POU2F3: variants seen among roughly 807,000 people sequenced by gnomAD.
POU2F3 encodes the protein POU domain, class 2, transcription factor 3.
A neutral mutation model predicts 59.2 loss-of-function variants in POU2F3; 23 were observed. The observed-to-expected ratio is 0.39, with a 90% CI of 0.28 to 0.55. The LOEUF (loss-of-function observed/expected upper bound fraction) is 0.55, where lower values mean the gene tolerates loss of function less well. Ranked by LOEUF, POU2F3 falls within the 20% of genes least tolerant of loss-of-function variation. POU2F3 has a pLI of 0.66. For synonymous variants in POU2F3, 190 were observed against 214.6 expected (o/e 0.89, Z 1.00); for missense variants, 473 against 544.5 (o/e 0.87, Z 1.31).
At position 120,246,475 on chromosome 11, in the gene POU2F3, G is replaced by A. The variant is rs201020292; in HGVS notation, c.55G>A (p.Asp19Asn). 229 of 1,613,774 alleles carry A rather than the reference G, an allele frequency of 1.4e-4. 1 individual carries two copies. Among genetic ancestry groups the A allele is most frequent in the African/African-American group, 1.1e-4 (8 of 74,938 alleles). The change falls in exon 2 of 13, where the codon GAT becomes AAT. Residue 19 changes from aspartate to asparagine, a missense_variant. Physicochemically the swap from Asp to Asn is conservative, Grantham distance 23. Coordinates refer to ENST00000543440, the MANE Select transcript of POU2F3 (RefSeq NM_014352.4). ...TATCAAGATGAGTGGGGATGTAGCC[G>A]ATTCCACGGATGCTCGCAGCACTCT... Reference protein sequence around the residue: ...TDIKMSGDVADSTDARSTLSQ... With the variant: ...TDIKMSGDVANSTDARSTLSQ...
At chr11:120,300,110 C>A (rs1941305978) in intron 5 of POU2F3, among the ~76,000 whole-genome samples, 1 of 152,204 alleles carries the variant, frequency 6.6e-6, no homozygotes, top group African/African-American at 2.4e-5. Context: ...TTCAGACTTG[C>A]TTCCTGGAAG....
chr11:120,268,176 G>A (rs753309), intron 2 of POU2F3, among the ~76,000 whole-genome samples: 72,064 of 151,800 alleles, frequency 0.47, 21,216 homozygotes, highest in East Asian at 1. Context: ...AAGTGGGATA[G>A]AAGTCTATAC....
intron 3 of POU2F3, among the ~76,000 whole-genome samples, chr11:120,269,560 G>A (rs917063589): frequency 6.6e-6 from 1 of 152,178 alleles, no homozygotes; most frequent in Non-Finnish European, 1.5e-5. Context: ...GTTGCCTCTT[G>A]GGTGGGTGTT....
intron 6 of POU2F3, chr11:120,303,740 C>A (rs1941408278): frequency 2.6e-5 from 4 of 152,190 alleles, no homozygotes; most frequent in Admixed American, 2.0e-4. Flanking sequence ...GACTCCTAAA[C>A]TTCTCTCTAG....
chr11:120,249,816 TATGAG>T (rs1373318665), intron 2 of POU2F3: 1 of 152,156 alleles, frequency 6.6e-6, no homozygotes, highest in Non-Finnish European at 1.5e-5. Flanking sequence ...ACAATAAGGC[TATGAG>T]ATAGAGACAC....
At chr11:120,289,717 C>T (rs1940954910) in intron 3 of POU2F3, among the ~76,000 whole-genome samples, 1 of 152,206 alleles carries the variant, frequency 6.6e-6, no homozygotes, top group African/African-American at 2.4e-5. Flanking sequence ...GCTTTTGCTG[C>T]CTGGCAAACT....
chr11:120,310,152 T>C (rs1384338536), intron 10 of POU2F3, among the ~76,000 whole-genome samples: 1 of 152,112 alleles, frequency 6.6e-6, no homozygotes, highest in African/African-American at 2.4e-5. Context: ...GGAGACCAGC[T>C]AGGAGAATGA....
At chr11:120,291,945 A>C (rs999817901) in intron 3 of POU2F3, among the ~76,000 whole-genome samples, 6 of 151,836 alleles carry the variant, frequency 4.0e-5, no homozygotes, top group Non-Finnish European at 7.4e-5. Flanking sequence ...AGTAGCTGGG[A>C]CTACAGGCAC....
chr11:120,318,491 G>T lies in POU2F3; in HGVS notation c.*99G>T, dbSNP rs1941844565. On this transcript the variant is annotated 3_prime_UTR_variant, in exon 13 of 13. Coordinates refer to ENST00000543440, the MANE Select transcript of POU2F3 (RefSeq NM_014352.4). ...CAGACAGATTGCCTTCAGAAGAGTGGAAGAAAATCTCCACTATCAATGAAC... is the reference window on the plus strand; with the variant it reads ...CAGACAGATTGCCTTCAGAAGAGTGTAAGAAAATCTCCACTATCAATGAAC... 8.0e-7 allele frequency: 1 copy of T among 1,243,586 alleles called. No homozygotes were observed. The highest frequency in any genetic ancestry group is 1.2e-6 in the Non-Finnish European group (1 of 853,402). 77.0% of individuals were successfully genotyped at this position (1,243,586 alleles called of 1,614,324 possible).
chr11:120,304,971 A>AAAAT, intron 6 of POU2F3, 59 bp from the exon 7 acceptor site: 1 of 991,260 alleles, frequency 1.0e-6, no homozygotes, highest in Admixed American at 2.6e-5. Flanking sequence ...AAAAAAAAAA[A>AAAAT]TCAGAAAATG....
chr11:120,307,443 T>G (rs751500071), intron 8 of POU2F3, 36 bp from the exon 9 acceptor site: 1 of 1,610,246 alleles, frequency 6.2e-7, no homozygotes, highest in South Asian at 1.1e-5. Context: ...CTCATCCCCT[T>G]CTCTGAGCTT....
chr11:120,295,279 C>T (rs917260113), intron 3 of POU2F3, among the ~76,000 whole-genome samples: 1 of 152,232 alleles, frequency 6.6e-6, no homozygotes, highest in African/African-American at 2.4e-5. Flanking sequence ...ATAGCTGCCT[C>T]TCCTTATCTC....
At chr11:120,312,918 G>A (rs192310607) in intron 10 of POU2F3, among the ~76,000 whole-genome samples, 71 of 152,176 alleles carry the variant, frequency 4.7e-4, no homozygotes, top group Non-Finnish European at 9.7e-4. Flanking sequence ...GAGGTGTGAG[G>A]GCAGGGAAGA....
At chr11:120,307,706 C>T (rs747442988) in intron 9 of POU2F3, 91 bp downstream of exon 9, 72 of 1,506,016 alleles carry the variant, frequency 4.8e-5, no homozygotes, top group South Asian at 6.1e-5. Flanking sequence ...CCAGCCCCTC[C>T]GCACCTCACA....
intron 11 of POU2F3, among the ~76,000 whole-genome samples, chr11:120,315,968 G>A (rs993275720): frequency 6.7e-6 from 1 of 149,208 alleles, no homozygotes; most frequent in Non-Finnish European, 1.5e-5. Flanking sequence ...TGCCTCCCAG[G>A]TTCAAGCAAT....
intron 3 of POU2F3, 83 bp downstream of exon 3, chr11:120,269,327 T>A: frequency 8.3e-7 from 1 of 1,205,352 alleles, no homozygotes; most frequent in Non-Finnish European, 1.2e-6. Flanking sequence ...GAAGACAAGA[T>A]TAAGTACAGT....
intron 3 of POU2F3, among the ~76,000 whole-genome samples, chr11:120,274,004 C>T (rs907199731): frequency 6.0e-5 from 8 of 133,818 alleles, no homozygotes; most frequent in Non-Finnish European, 9.1e-5. Flanking sequence ...GATGACAAAG[C>T]GAGACTCTGT....
At chr11:120,266,129 G>A (rs113730581) in intron 2 of POU2F3, among the ~76,000 whole-genome samples, 1 of 152,114 alleles carries the variant, frequency 6.6e-6, no homozygotes, top group Non-Finnish European at 1.5e-5. Context: ...CATGTCGAAA[G>A]CATAACTCTT....
rs1414351545 is a variant in POU2F3, at chr11:120,269,218, C to T, written c.106C>T (p.Arg36Ter). 5 of 1,586,926 alleles carry T rather than the reference C, an allele frequency of 3.2e-6. No homozygotes were observed. The highest frequency in any genetic ancestry group is 4.5e-5 in the East Asian group (2 of 44,752). ...TLSQVEPGND[R>*]NGLDFNRQIK... Reference sequence around the variant, plus strand: ...ATTTTTATCTTTTCTAGGAAATGATCGAAATGGCCTAGATTTCAACAGGCA... The same window carrying T: ...ATTTTTATCTTTTCTAGGAAATGATTGAAATGGCCTAGATTTCAACAGGCA... The change falls in exon 3 of 13, where the codon CGA becomes TGA. Residue 36 changes from arginine to a stop codon, truncating the protein, a stop_gained. Coordinates refer to ENST00000543440, the MANE Select transcript of POU2F3 (RefSeq NM_014352.4). LOFTEE classifies it high-confidence loss of function.
Sources: gnomAD v4.1 joint callset for allele counts (sites outside exome capture counted in the v4.1 genomes callset) on GRCh38, gnomAD v4.1.1 for gene constraint, MANE v1.5 for transcripts, NCBI Gene and HGNC (gene_info 2026-07-23, HGNC 2026-07-21) for gene names.